The following LDB3 variants were observed in gnomAD, a reference collection of about 807,000 sequenced individuals.
LDB3 encodes the protein LIM domain-binding protein 3.
A neutral mutation model predicts 69.0 loss-of-function variants in LDB3; 49 were observed. The ratio of observed to expected loss-of-function variants is 0.71; its 90% confidence interval spans 0.56 to 0.90. The LOEUF (loss-of-function observed/expected upper bound fraction) is 0.90. Ranked by LOEUF, LDB3 falls within the 40% of genes least tolerant of loss-of-function variation. LDB3 has a pLI of 0.00. For missense variants in LDB3, 928 were observed against 974.1 expected, an observed-to-expected ratio of 0.95 and a Z score of 0.63; for synonymous variants, 387 against 396.2, an observed-to-expected ratio of 0.98 and a Z score of 0.28.
intron 13 of LDB3, among the ~76,000 whole-genome samples, chr10:86,730,416 C>T (rs189714288): frequency 7.0e-6 from 1 of 142,152 alleles, no homozygotes; most frequent in African/African-American, 2.5e-5. Context: ...TCCTGGCAGA[C>T]TCTGACCTAC....
chr10:86,698,226 C>A (rs1846091467), intron 7 of LDB3, among the ~76,000 whole-genome samples: 1 of 152,264 alleles, frequency 6.6e-6, no homozygotes, highest in Non-Finnish European at 1.5e-5. Flanking sequence ...TTTTAATCAG[C>A]ATAATTCCTG....
rs774519585 is a variant in LDB3 at position 86,692,033 on chromosome 10, G to A, written c.827G>A (p.Arg276His). 18 of 1,614,014 alleles carry A rather than the reference G, an allele frequency of 1.1e-5. No homozygotes were observed. The highest frequency in any genetic ancestry group is 3.3e-5 in the Admixed American group (2 of 60,008). Residue 276 changes from arginine (R) to histidine (H), a missense_variant, in exon 6 of 14, where the codon CGC becomes CAC. Transcript: ENST00000361373. The stretch of plus-strand genomic sequence containing the variant: ...TCCAACCTGCAGTCTCGCTCCTTCC[G>A]CATCCTGGCCCAGATGACGGGGACA... ...RSSNLQSRSF[R>H]ILAQMTGTEF...
At chr10:86,729,716 A>C (rs773252986) in intron 13 of LDB3, among the ~76,000 whole-genome samples, 3 of 152,140 alleles carry the variant, frequency 2.0e-5, no homozygotes, top group Non-Finnish European at 4.4e-5. Context: ...ACTCCTTATG[A>C]GGGTTCCCAC....
intron 9 of LDB3, among the ~76,000 whole-genome samples, chr10:86,712,678 G>T (rs1490053951): frequency 6.6e-6 from 1 of 152,208 alleles, no homozygotes; most frequent in East Asian, 1.9e-4. Context: ...GCAGCACCAC[G>T]CAATAGAAAT....
At chr10:86,703,318 C>T (rs1046290860) in intron 7 of LDB3, among the ~76,000 whole-genome samples, 5 of 152,342 alleles carry the variant, frequency 3.3e-5, no homozygotes, top group South Asian at 2.1e-4. Flanking sequence ...AGCTCAGTGG[C>T]GTGGCTACAG....
intron 11 of LDB3, 36 bp downstream of exon 11, chr10:86,718,180 C>G: frequency 1.3e-6 from 2 of 1,596,842 alleles, no homozygotes; most frequent in East Asian, 2.2e-5. Flanking sequence ...TGACCCATGT[C>G]TCTTCCCCAG....
intron 9 of LDB3, among the ~76,000 whole-genome samples, chr10:86,715,263 A>G (rs1846823571): frequency 6.6e-6 from 1 of 152,112 alleles, no homozygotes; most frequent in Non-Finnish European, 1.5e-5. Flanking sequence ...CTGTGCTGAC[A>G]TGCTTCCTAG....
intron 5 of LDB3, among the ~76,000 whole-genome samples, chr10:86,690,844 AACCTAGGTTCTC>A (rs1335265837): frequency 5.3e-5 from 8 of 152,308 alleles, no homozygotes; most frequent in African/African-American, 1.9e-4. Context: ...GCAGCCAGGA[AACCTAGGTTCTC>A]ACCCAATGGG....
At chr10:86,697,202 T>A (rs1464749237) in intron 7 of LDB3, among the ~76,000 whole-genome samples, 1 of 150,242 alleles carries the variant, frequency 6.7e-6, no homozygotes, top group African/African-American at 2.5e-5. Flanking sequence ...GATTTTTATA[T>A]GCTAGCAATT....
At chr10:86,711,167 C>A (rs1264526258) in intron 9 of LDB3, among the ~76,000 whole-genome samples, 1 of 152,194 alleles carries the variant, frequency 6.6e-6, no homozygotes, top group African/African-American at 2.4e-5. Flanking sequence ...GGAGGCGAGG[C>A]CTTGCCGGGG....
intron 12 of LDB3, among the ~76,000 whole-genome samples, chr10:86,722,405 C>A (rs1847109252): frequency 6.6e-6 from 1 of 151,982 alleles, no homozygotes; most frequent in African/African-American, 2.4e-5. Context: ...GGACTACAGG[C>A]TCCCACCACT....
At chr10:86,670,383 G>A (rs970239813) in intron 2 of LDB3, among the ~76,000 whole-genome samples, 1 of 152,100 alleles carries the variant, frequency 6.6e-6, no homozygotes, top group Non-Finnish European at 1.5e-5. Flanking sequence ...ACTCCTTCCT[G>A]TATAAGGTGG....
At chr10:86,688,982 G>A (rs1406513632) in intron 5 of LDB3, among the ~76,000 whole-genome samples, 2 of 152,194 alleles carry the variant, frequency 1.3e-5, no homozygotes, top group Non-Finnish European at 2.9e-5. Flanking sequence ...TGCCTGGAAA[G>A]GGTCCTCTTC....
chr10:86,667,501 G>C (rs1844226796), upstream of LDB3, among the ~76,000 whole-genome samples: 1 of 152,218 alleles, frequency 6.6e-6, no homozygotes, highest in African/African-American at 2.4e-5. Context: ...AGAACACACT[G>C]TCTCTGGGGT....
intron 5 of LDB3, among the ~76,000 whole-genome samples, chr10:86,685,267 G>C (rs1845404598): frequency 6.6e-6 from 1 of 152,190 alleles, no homozygotes; most frequent in African/African-American, 2.4e-5. Flanking sequence ...GACAGGCAGG[G>C]AGGCCCCTGG....
rs1845528164 is a variant in LDB3, at chr10:86,687,196, A to G, written c.690-4700A>G. 6.2e-7 allele frequency: 1 copy of G among 1,614,238 alleles called. No homozygotes were observed. The highest frequency in any genetic ancestry group is 8.5e-7 in the Non-Finnish European group (1 of 1,180,044). Reference sequence around the variant, plus strand: ...CATCCATGCGCAGTACAACACGCCCATCAGCATGTATTCCCAGGATGCCAT... The same window carrying G: ...CATCCATGCGCAGTACAACACGCCCGTCAGCATGTATTCCCAGGATGCCAT... On this transcript the variant is annotated intron_variant, in intron 5 of 13. Transcript: ENST00000361373.
chr10:86,674,763 G>A (rs980718952), intron 2 of LDB3, among the ~76,000 whole-genome samples: 9 of 152,198 alleles, frequency 5.9e-5, no homozygotes, highest in African/African-American at 2.2e-4. Context: ...AACACAGAAA[G>A]GAAAGAGGAG....
chr10:86,682,568 C>A (rs1845221801), intron 5 of LDB3, among the ~76,000 whole-genome samples: 1 of 152,150 alleles, frequency 6.6e-6, no homozygotes, highest in Admixed American at 6.5e-5. Context: ...GAGCCCTTCA[C>A]GCTTGTTCTC....
intron 5 of LDB3, among the ~76,000 whole-genome samples, chr10:86,685,175 T>C (rs1845398774): frequency 6.6e-6 from 1 of 152,168 alleles, no homozygotes; most frequent in Admixed American, 6.5e-5. Flanking sequence ...GCGCACACCC[T>C]GCCTCCTTAC....
Sources: gnomAD v4.1 joint callset for allele counts (sites outside exome capture counted in the v4.1 genomes callset) on GRCh38, gnomAD v4.1.1 for gene constraint, MANE v1.5 for transcripts, NCBI Gene and HGNC (gene_info 2026-07-23, HGNC 2026-07-21) for gene names.